Variants in PDHX observed in about 807,000 individuals in gnomAD.
PDHX encodes the protein pyruvate dehydrogenase complex component X.
Under a neutral mutation model 55.3 loss-of-function variants are expected in PDHX, and 33 were observed. The ratio of observed to expected loss-of-function variants is 0.60; its 90% CI spans 0.45 to 0.80. PDHX has a LOEUF of 0.80. Ranked by LOEUF, PDHX falls within the 30% of genes least tolerant of loss-of-function variation. PDHX has a pLI of 0.00. For synonymous variants in PDHX, 226 were observed against 219.4 expected, an observed-to-expected ratio of 1.03 and a Z score of -0.27; for missense variants, 622 against 619.9, an observed-to-expected ratio of 1.00 and a Z score of -0.04.
intron 3 of PDHX, among the ~76,000 whole-genome samples, chr11:34,953,609 A>G (rs1854832454): frequency 1.3e-5 from 2 of 152,358 alleles, no homozygotes; most frequent in South Asian, 2.1e-4. Context: ...TTTTTTTAAA[A>G]TACAGACACC....
intron 6 of PDHX, among the ~76,000 whole-genome samples, chr11:34,967,143 C>T (rs1431733875): frequency 1.3e-5 from 2 of 152,142 alleles, no homozygotes; most frequent in Admixed American, 1.3e-4. Context: ...TGAATCACCG[C>T]ACCTGGCCTA....
intron 2 of PDHX, among the ~76,000 whole-genome samples, chr11:34,937,335 G>A (rs1299242553): frequency 1.3e-5 from 2 of 152,026 alleles, no homozygotes; most frequent in Non-Finnish European, 2.9e-5. Context: ...AAGTGGTGCT[G>A]GAATGCAGAG....
intron 8 of PDHX, among the ~76,000 whole-genome samples, chr11:34,982,535 TAAA>T (rs1290059328): frequency 1.3e-5 from 2 of 151,086 alleles, no homozygotes; most frequent in East Asian, 3.9e-4. Flanking sequence ...GCAAGACTAA[TAAA>T]GAAGAAAAGA....
chr11:34,975,534 A>T (rs560998252), intron 7 of PDHX, among the ~76,000 whole-genome samples: 1 of 152,176 alleles, frequency 6.6e-6, no homozygotes, highest in East Asian at 1.9e-4. Flanking sequence ...TATATTTTTT[A>T]TCTTGGTTAG....
At chr11:34,951,694 G>A (rs1049074893) in intron 3 of PDHX, among the ~76,000 whole-genome samples, 3 of 151,872 alleles carry the variant, frequency 2.0e-5, no homozygotes, top group East Asian at 1.9e-4. Flanking sequence ...GAAGCTCTTT[G>A]GTTTAATTAG....
chr11:34,960,066 C>T (rs1286195987), intron 4 of PDHX, among the ~76,000 whole-genome samples: 2 of 152,008 alleles, frequency 1.3e-5, no homozygotes, highest in African/African-American at 4.8e-5. Context: ...TCATTTGCCA[C>T]AATACAAAAT....
At chr11:34,937,548 AT>A (rs1176335658) in intron 2 of PDHX, among the ~76,000 whole-genome samples, 1 of 151,902 alleles carries the variant, frequency 6.6e-6, no homozygotes, top group Non-Finnish European at 1.5e-5. Context: ...CATATGAGGC[AT>A]TCAAGGGAAG....
intron 9 of PDHX, chr11:34,984,948 T>G (rs996197022): frequency 1.0e-4 from 52 of 495,326 alleles, no homozygotes; most frequent in African/African-American, 9.1e-4. Context: ...AATTAAGAGA[T>G]AATATATAAA....
At chr11:34,939,504 T>TGCGC (rs1554985388) in intron 2 of PDHX, among the ~76,000 whole-genome samples, 111 of 148,512 alleles carry the variant, frequency 7.5e-4, no homozygotes, top group African/African-American at 2.8e-3. Context: ...TGTGTGTGTG[T>TGCGC]GCACTTGCAT....
chr11:34,941,860 GC>G, intron 2 of PDHX: 1 of 154,646 alleles, frequency 6.5e-6, no homozygotes, highest in Non-Finnish European at 1.5e-5. Flanking sequence ...CTGGGGAGCG[GC>G]CCCCGGGTGG....
chr11:34,927,626 C>T (rs1029284245), intron 1 of PDHX, among the ~76,000 whole-genome samples: 27 of 151,900 alleles, frequency 1.8e-4, no homozygotes, highest in African/African-American at 6.3e-4. Context: ...GGAAAAGATA[C>T]CATATAGTGT....
At chr11:34,934,123 A>G (rs527415534) in intron 2 of PDHX, among the ~76,000 whole-genome samples, 6 of 152,352 alleles carry the variant, frequency 3.9e-5, no homozygotes, top group African/African-American at 1.4e-4. Flanking sequence ...GAAGAATCAT[A>G]GAACATCACT....
intron 2 of PDHX, among the ~76,000 whole-genome samples, chr11:34,936,802 T>TTTTTTTTTGTTTTG (rs1565151991): frequency 7.7e-6 from 1 of 129,094 alleles, no homozygotes; most frequent in Non-Finnish European, 1.6e-5. Flanking sequence ...TTTTTTTTTT[T>TTTTTTTTTGTTTTG]TTTCTGAGAC....
chr11:34,977,540 C>G (rs1325261094), intron 7 of PDHX, among the ~76,000 whole-genome samples: 3 of 151,994 alleles, frequency 2.0e-5, no homozygotes, highest in Non-Finnish European at 4.4e-5. Flanking sequence ...TTTGTTATAT[C>G]CTGTTTTGTT....
chr11:34,991,488 T>G (rs1855756838), intron 9 of PDHX, among the ~76,000 whole-genome samples: 2 of 152,202 alleles, frequency 1.3e-5, no homozygotes, highest in Non-Finnish European at 2.9e-5. Context: ...AAAATTTATT[T>G]TTTATAACCA....
intron 3 of PDHX, among the ~76,000 whole-genome samples, chr11:34,949,011 A>G (rs1408561259): frequency 1.3e-5 from 2 of 152,176 alleles, no homozygotes; most frequent in East Asian, 3.8e-4. Context: ...AGCAGTGCCA[A>G]TTCATCTGGC....
At chr11:34,980,815 T>A (rs1212091715) in intron 8 of PDHX, among the ~76,000 whole-genome samples, 1 of 152,082 alleles carries the variant, frequency 6.6e-6, no homozygotes, top group Non-Finnish European at 1.5e-5. Flanking sequence ...GGAATCAAAT[T>A]GTATATTGCC....
intron 5 of PDHX, among the ~76,000 whole-genome samples, chr11:34,965,336 G>A (rs1336670544): frequency 6.6e-6 from 1 of 152,196 alleles, no homozygotes; most frequent in East Asian, 1.9e-4. Context: ...GCCTTGCCAT[G>A]CGTGGTCTCC....
chr11:34,925,738 A>G (rs572908521), intron 1 of PDHX, among the ~76,000 whole-genome samples: 1 of 152,306 alleles, frequency 6.6e-6, no homozygotes, highest in African/African-American at 2.4e-5. Context: ...ATGATGCCAT[A>G]TACAGGTTTG....
Sources: gnomAD v4.1 joint callset for allele counts (sites outside exome capture counted in the v4.1 genomes callset) on GRCh38, gnomAD v4.1.1 for gene constraint, MANE v1.5 for transcripts, NCBI Gene and HGNC (gene_info 2026-07-23, HGNC 2026-07-21) for gene names.